The following GRIA3 variants were observed in gnomAD, a reference collection of about 807,000 sequenced individuals.
The protein encoded by GRIA3 is glutamate receptor 3.
GRIA3 carries 3 observed loss-of-function variants against 63.0 expected under a neutral mutation model. The ratio of observed to expected loss-of-function variants is 0.05; its 90% CI spans 0.02 to 0.12. The LOEUF (loss-of-function observed/expected upper bound fraction) is 0.12. Ranked by LOEUF, GRIA3 falls within the 10% of genes least tolerant of loss-of-function variation. The pLI, the probability that GRIA3 is intolerant of heterozygous loss-of-function variation, is 1.00. For synonymous variants in GRIA3, 274 were observed against 257.9 expected, an observed-to-expected ratio of 1.06 and a Z score of -0.60; for missense variants, 347 against 700.9, an observed-to-expected ratio of 0.50 and a Z score of 5.70.
Position 123,286,792 on chromosome X carries a change from A to C in GRIA3, c.508+33250A>C, listed in dbSNP as rs776593838. On this transcript the variant is annotated intron_variant, in intron 3 of 15. Transcript: ENST00000620443. ...AATTAATAGCCTACCAACCAAAAAG[A>C]ACCAAGGACCAGACGGATTCGCAGC... 1.3e-3 allele frequency among the ~76,000 whole-genome samples: 141 copies of C among 111,851 alleles called. 2 individuals carry two copies. Among genetic ancestry groups the C allele is most frequent in the Middle Eastern group, 4.6e-3 (1 of 217 alleles).
At chrX:123,311,796 A>G (rs2044794524) in intron 3 of GRIA3, among the ~76,000 whole-genome samples, 1 of 112,139 alleles carries the variant, frequency 8.9e-6, no homozygotes, top group African/African-American at 3.2e-5. Context: ...AGGTATTTAC[A>G]CAACAATGTG....
intron 2 of GRIA3, among the ~76,000 whole-genome samples, chrX:123,220,350 T>C (rs1316512254): frequency 8.9e-6 from 1 of 112,189 alleles, no homozygotes; most frequent in African/African-American, 3.2e-5. Flanking sequence ...ATTTATAGTC[T>C]TCATATATAG....
intron 4 of GRIA3, among the ~76,000 whole-genome samples, chrX:123,330,970 TA>T (rs1263410494): frequency 1.8e-5 from 2 of 112,331 alleles, no homozygotes; most frequent in Non-Finnish European, 3.8e-5. Context: ...ACTTATTTAA[TA>T]AATAGTATTT....
chrX:123,221,798 TATACATACTTTGTGTAAACAA>T (rs2044220591), intron 2 of GRIA3, among the ~76,000 whole-genome samples: 1 of 111,847 alleles, frequency 8.9e-6, no homozygotes, highest in African/African-American at 3.3e-5. Flanking sequence ...ATGACCTTCC[TATACATACTTTGTGTAAACAA>T]AGTATATATG....
intron 4 of GRIA3, among the ~76,000 whole-genome samples, chrX:123,343,647 G>A (rs1183419732): frequency 4.5e-5 from 5 of 110,715 alleles, no homozygotes; most frequent in Non-Finnish European, 7.6e-5. Flanking sequence ...GACAGAGAGA[G>A]AGAGAGATTG....
intron 2 of GRIA3, among the ~76,000 whole-genome samples, chrX:123,242,597 A>G (rs772908781): frequency 8.9e-5 from 10 of 112,846 alleles, no homozygotes; most frequent in South Asian, 7.3e-4. Flanking sequence ...AAGAATGACA[A>G]TTCTGTGGAT....
At chrX:123,323,709 G>T (rs1481371378) in intron 3 of GRIA3, among the ~76,000 whole-genome samples, 1 of 111,606 alleles carries the variant, frequency 9.0e-6, no homozygotes, top group Non-Finnish European at 1.9e-5. Flanking sequence ...AGGGAGAAGT[G>T]GGGACTGGAA....
chrX:123,226,611 G>A lies in GRIA3; in HGVS notation c.269-26692G>A, dbSNP rs151289601. ...GACCAAACATGCCCATAATAATCCT[G>A]GACAAAGGCTGAGACCAGCACTTTT... On this transcript the variant is annotated intron_variant, in intron 2 of 15. Coordinates refer to ENST00000620443, the MANE Select transcript of GRIA3 (RefSeq NM_007325.5). 9.4e-4 allele frequency among the ~76,000 whole-genome samples: 104 copies of A among 111,199 alleles called. 2 individuals carry two copies. The East Asian group carries it at 0.028, about 30-fold the overall frequency.
intron 5 of GRIA3, among the ~76,000 whole-genome samples, chrX:123,380,420 T>C (rs1290791807): frequency 8.9e-6 from 1 of 112,307 alleles, no homozygotes; most frequent in African/African-American, 3.2e-5. Context: ...TTTTCATGTG[T>C]CTTTTGGCTG....
At chrX:123,307,222 G>A (rs1168762850) in intron 3 of GRIA3, among the ~76,000 whole-genome samples, 2 of 111,598 alleles carry the variant, frequency 1.8e-5, no homozygotes, top group Non-Finnish European at 3.8e-5. Flanking sequence ...CAACCTTGGG[G>A]CCCCTGGAAG....
At chrX:123,198,518 C>G (rs1188552811) in intron 2 of GRIA3, among the ~76,000 whole-genome samples, 2 of 111,578 alleles carry the variant, frequency 1.8e-5, no homozygotes, top group Non-Finnish European at 3.8e-5. Context: ...CTTAACTATC[C>G]CCAAAGCCCT....
At chrX:123,360,958 C>T (rs1175809302) in intron 5 of GRIA3, among the ~76,000 whole-genome samples, 4 of 106,920 alleles carry the variant, frequency 3.7e-5, no homozygotes, top group Non-Finnish European at 7.7e-5. Context: ...CTCATCCAAC[C>T]TCACTTATGC....
chrX:123,396,265 G>T (rs1489146645), intron 6 of GRIA3, among the ~76,000 whole-genome samples: 1 of 108,255 alleles, frequency 9.2e-6, no homozygotes, highest in Non-Finnish European at 1.9e-5. Context: ...AGGCAACACA[G>T]ACCAGAAAAA....
At chrX:123,347,033 T>G (rs997938478) in intron 4 of GRIA3, among the ~76,000 whole-genome samples, 3 of 112,026 alleles carry the variant, frequency 2.7e-5, no homozygotes, top group African/African-American at 9.8e-5. Flanking sequence ...TCATGGCTGA[T>G]TTCAAGCAAC....
Position 123,455,545 on chromosome X carries a change from T to C in GRIA3, c.2077-9320T>C, listed in dbSNP as rs1431571264. ...TGTCCGATGCATTTGGCAACCCAGA[T>C]GTATTTTTCTTCTTTTGCCTCAAAT... On this transcript the variant is annotated intron_variant, in intron 12 of 15. Transcript: ENST00000620443. 2.7e-5 allele frequency among the ~76,000 whole-genome samples: 3 copies of C among 112,047 alleles called. No individual in the cohort carries two copies. The East Asian group carries it at 8.4e-4, about 31-fold the overall frequency.
intron 5 of GRIA3, among the ~76,000 whole-genome samples, chrX:123,366,117 A>C (rs2045208663): frequency 9.0e-6 from 1 of 111,125 alleles, no homozygotes; most frequent in South Asian, 3.9e-4. Flanking sequence ...TCTCATTGCT[A>C]TCTTGGTTTT....
chrX:123,487,175 A>G (rs995670456), intron 15 of GRIA3, among the ~76,000 whole-genome samples: 7 of 113,056 alleles, frequency 6.2e-5, no homozygotes, highest in African/African-American at 2.2e-4. Context: ...GTGACTGCCC[A>G]TCAAGTGCTC....
intron 5 of GRIA3, among the ~76,000 whole-genome samples, chrX:123,388,909 T>C (rs781498772): frequency 3.0e-4 from 34 of 112,216 alleles, no homozygotes; most frequent in Non-Finnish European, 7.5e-5. Context: ...GATTTTGGTA[T>C]GTTTTGTTTC....
At chrX:123,250,332 T>C (rs2044382222) in intron 2 of GRIA3, among the ~76,000 whole-genome samples, 1 of 112,143 alleles carries the variant, frequency 8.9e-6, no homozygotes, top group East Asian at 2.8e-4. Context: ...TAATTAATTC[T>C]GCACCCCGAG....
Sources: allele counts gnomAD v4.1 joint callset (sites outside exome capture counted in the v4.1 genomes callset), GRCh38; gene constraint gnomAD v4.1.1; transcripts MANE v1.5; gene names NCBI Gene and HGNC (gene_info 2026-07-23, HGNC 2026-07-21).